GPC3: variants seen among roughly 807,000 people sequenced by gnomAD.
GPC3 encodes the protein glypican 3.
In GPC3, 3 loss-of-function variants were observed where a neutral mutation model predicts 34.4. The ratio of observed to expected loss-of-function variants is 0.09; its 90% confidence interval spans 0.04 to 0.23. The LOEUF (loss-of-function observed/expected upper bound fraction) is 0.23. GPC3 is among the 10% of genes least tolerant of loss of function. The pLI is 1.00. For missense variants in GPC3, 351 were observed against 445.6 expected, an observed-to-expected ratio of 0.79 and a Z score of 1.91; for synonymous variants, 177 against 174.0, an observed-to-expected ratio of 1.02 and a Z score of -0.13.
At chrX:133,808,753 A>AC (rs1213036732) in intron 2 of GPC3, among the ~76,000 whole-genome samples, 1 of 110,998 alleles carries the variant, frequency 9.0e-6, no homozygotes, top group African/African-American at 3.3e-5. Context: ...TATTTAAAAA[A>AC]AAAAACAGAA....
chrX:133,831,569 A>G lies in GPC3; in HGVS notation c.338-77393T>C, dbSNP rs187721536. Among the ~76,000 whole-genome samples the G allele has an allele frequency of 3.5e-3, 387 of 112,065 alleles. 2 individuals are homozygous for G. Among genetic ancestry groups the G allele is most frequent in the African/African-American group, 0.012 (357 of 30,812 alleles). On this transcript the variant is annotated intron_variant, in intron 2 of 7. Coordinates refer to ENST00000370818, the MANE Select transcript of GPC3 (RefSeq NM_004484.4). ...AACATGGAGAAACCCCGTCTCTACT[A>G]AAAATACAAAATTAACTGGGTATGT...
chrX:133,544,746 G>A (rs1480735722), intron 7 of GPC3, among the ~76,000 whole-genome samples: 2 of 111,628 alleles, frequency 1.8e-5, no homozygotes, highest in Admixed American at 1.9e-4. Flanking sequence ...TGCCCAGGCT[G>A]GTCTTAAACT....
Position 133,614,150 on chromosome X carries a change from T to C in GPC3, c.1414-17551A>G, listed in dbSNP as rs186238817. Among the ~76,000 whole-genome samples, 8 of 111,359 alleles carry C rather than the reference T, an allele frequency of 7.2e-5. 1 individual carries two copies. Among genetic ancestry groups the C allele is most frequent in the African/African-American group, 2.6e-4 (8 of 30,720 alleles). ...ATCAAGCATATCAACATATACATAA[T>C]GGATATCCCAGAAGCAGGAGAGAGA... On this transcript the variant is annotated intron_variant, in intron 6 of 7. Coordinates refer to ENST00000370818, the MANE Select transcript of GPC3 (RefSeq NM_004484.4).
intron 6 of GPC3, among the ~76,000 whole-genome samples, chrX:133,637,943 A>G (rs2070445344): frequency 2.7e-5 from 3 of 111,694 alleles, no homozygotes; most frequent in African/African-American, 9.8e-5. Flanking sequence ...GTGCCTGGTC[A>G]CATTATCTTT....
chrX:133,697,491 C>T (rs1360309498), intron 4 of GPC3, among the ~76,000 whole-genome samples: 8 of 111,321 alleles, frequency 7.2e-5, no homozygotes, highest in East Asian at 2.8e-4. Flanking sequence ...CAAAAGTTAC[C>T]TTTTCCAAGA....
rs141100113 is a variant in GPC3 at position 133,753,688 on chromosome X, C to T, written c.826G>A (p.Gly276Ser). Residue 276 changes from glycine to serine, a missense_variant, in exon 3 of 8, where the codon GGT becomes AGT. Transcript: ENST00000370818. Reference protein sequence around the residue: ...QGLMMVKPCGGYCNVVMQGCM... With the variant: ...QGLMMVKPCGSYCNVVMQGCM... ...CCTTGCATGACCACATTGCAGTAACCGCCACAGGGTTTAACCATCATCAGT... is the reference window on the plus strand; with the variant it reads ...CCTTGCATGACCACATTGCAGTAACTGCCACAGGGTTTAACCATCATCAGT... 1.6e-4 allele frequency: 194 copies of T among 1,209,642 alleles called. 1 individual carries two copies. In the African/African-American group the frequency reaches 2.7e-3, roughly 17 times the overall value.
At chrX:133,548,706 A>T (rs1293747579) in intron 7 of GPC3, among the ~76,000 whole-genome samples, 1 of 111,680 alleles carries the variant, frequency 9.0e-6, no homozygotes, top group African/African-American at 3.3e-5. Flanking sequence ...CTCATCTTGA[A>T]TTCCCAAGGG....
chrX:133,555,117 A>G (rs2069475574), intron 7 of GPC3, among the ~76,000 whole-genome samples: 1 of 111,972 alleles, frequency 8.9e-6, no homozygotes, highest in East Asian at 2.8e-4. Flanking sequence ...TGATGCAAAC[A>G]TAGCTCACTG....
intron 2 of GPC3, among the ~76,000 whole-genome samples, chrX:133,881,089 T>C (rs2076039646): frequency 8.9e-6 from 1 of 112,452 alleles, no homozygotes; most frequent in African/African-American, 3.2e-5. Flanking sequence ...TTGGTCATGC[T>C]GCAATTCAAT....
intron 7 of GPC3, among the ~76,000 whole-genome samples, chrX:133,565,829 C>T (rs1473202447): frequency 8.9e-6 from 1 of 112,290 alleles, no homozygotes; most frequent in Non-Finnish European, 1.9e-5. Context: ...TGGGATGCCA[C>T]AGGGCAGAAT....
chrX:133,794,315 A>G (rs2075565712), intron 2 of GPC3, among the ~76,000 whole-genome samples: 1 of 112,000 alleles, frequency 8.9e-6, no homozygotes, highest in Non-Finnish European at 1.9e-5. Flanking sequence ...AATAAAACAC[A>G]GAACAGAGCA....
intron 2 of GPC3, among the ~76,000 whole-genome samples, chrX:133,800,685 G>A (rs1323269837): frequency 1.8e-5 from 2 of 111,850 alleles, no homozygotes; most frequent in Admixed American, 9.5e-5. Context: ...AAATAGAAAA[G>A]TTCTTAAGTA....
At chrX:133,625,631 G>A (rs2070290865) in intron 6 of GPC3, among the ~76,000 whole-genome samples, 1 of 111,593 alleles carries the variant, frequency 9.0e-6, no homozygotes, top group African/African-American at 3.3e-5. Flanking sequence ...ACCTCTTCAA[G>A]GAGAACTACA....
intron 3 of GPC3, among the ~76,000 whole-genome samples, chrX:133,750,198 A>T (rs769286066): frequency 1.1e-4 from 12 of 112,150 alleles, no homozygotes; most frequent in Non-Finnish European, 2.1e-4. Context: ...TTCCTGAATG[A>T]TAATGACATG....
At chrX:133,675,540 A>T (rs1382940639) in intron 5 of GPC3, among the ~76,000 whole-genome samples, 5 of 111,671 alleles carry the variant, frequency 4.5e-5, no homozygotes, top group Non-Finnish European at 7.5e-5. Flanking sequence ...CCTGGCACCC[A>T]GTACCCACTC....
chrX:133,574,079 G>C (rs1416075963), intron 7 of GPC3, among the ~76,000 whole-genome samples: 2 of 112,166 alleles, frequency 1.8e-5, no homozygotes, highest in Non-Finnish European at 3.8e-5. Context: ...ACTACATATA[G>C]TATGATTCCA....
intron 2 of GPC3, among the ~76,000 whole-genome samples, chrX:133,819,209 G>A (rs187100453): frequency 4.7e-4 from 39 of 83,124 alleles, no homozygotes; most frequent in Non-Finnish European, 6.8e-4. Flanking sequence ...TGTTCTCATT[G>A]TTCAATTCCC....
chrX:133,947,331 G>A (rs920922732), intron 2 of GPC3, among the ~76,000 whole-genome samples: 1 of 111,666 alleles, frequency 9.0e-6, no homozygotes, highest in Non-Finnish European at 1.9e-5. Context: ...AATCAAGGGC[G>A]ATGGCCTGGG....
intron 3 of GPC3, among the ~76,000 whole-genome samples, chrX:133,714,425 C>T (rs983827584): frequency 1.8e-5 from 2 of 110,185 alleles, no homozygotes; most frequent in Admixed American, 9.7e-5. Flanking sequence ...TTTAATATTC[C>T]TAGTTTTAAT....
Sources: gnomAD v4.1 joint callset for allele counts (sites outside exome capture counted in the v4.1 genomes callset) on GRCh38, gnomAD v4.1.1 for gene constraint, MANE v1.5 for transcripts, NCBI Gene and HGNC (gene_info 2026-07-23, HGNC 2026-07-21) for gene names.